BBS9: variants seen among roughly 807,000 people sequenced by gnomAD.
The protein encoded by BBS9 is Bardet-Biedl syndrome 9, also known as protein PTHB1.
A neutral mutation model predicts 117.7 loss-of-function variants in BBS9; 89 were observed. That is an observed-to-expected ratio of 0.76 (90% confidence interval 0.64 to 0.90). The LOEUF is 0.90. Ranked by LOEUF, BBS9 falls within the 40% of genes least tolerant of loss-of-function variation. BBS9 has a pLI of 0.00. For missense variants in BBS9, 982 were observed against 1,042.2 expected (o/e 0.94, Z 0.80); for synonymous variants, 379 against 370.9 (o/e 1.02, Z -0.25).
chr7:33,609,297 C>A (rs1864746210), downstream of BBS9, among the ~76,000 whole-genome samples: 1 of 152,036 alleles, frequency 6.6e-6, no homozygotes, highest in Non-Finnish European at 1.5e-5. Flanking sequence ...TATTTTATTT[C>A]AAATCAGCAA....
intron 21 of BBS9, among the ~76,000 whole-genome samples, chr7:33,633,176 T>G (rs187425384): frequency 6.6e-6 from 1 of 152,344 alleles, no homozygotes; most frequent in East Asian, 1.9e-4. Flanking sequence ...TTCCTTTCTT[T>G]ACACTTCTTA....
At chr7:33,193,655 A>G (rs1343442540) in intron 5 of BBS9, among the ~76,000 whole-genome samples, 3 of 151,802 alleles carry the variant, frequency 2.0e-5, no homozygotes, top group African/African-American at 7.3e-5. Context: ...CTTATCACCT[A>G]TCTAGGGGCA....
intron 5 of BBS9, among the ~76,000 whole-genome samples, chr7:33,193,769 T>C (rs1784537279): frequency 6.6e-6 from 1 of 152,224 alleles, no homozygotes; most frequent in African/African-American, 2.4e-5. Flanking sequence ...CTTGAATTAC[T>C]GTCACACTAC....
chr7:33,496,982 A>G (rs1236680926), intron 19 of BBS9, among the ~76,000 whole-genome samples: 2 of 152,188 alleles, frequency 1.3e-5, no homozygotes, highest in Admixed American at 6.5e-5. Flanking sequence ...AGCCTTTGCC[A>G]TGTTGGAATT....
chr7:33,138,948 G>A (rs1278341850), intron 1 of BBS9, among the ~76,000 whole-genome samples: 4 of 151,104 alleles, frequency 2.6e-5, no homozygotes, highest in African/African-American at 7.2e-5. Context: ...TCTAATTTTC[G>A]GTTAGAAGTT....
At chr7:33,632,959 C>T (rs1013959897) in intron 21 of BBS9, among the ~76,000 whole-genome samples, 18 of 152,042 alleles carry the variant, frequency 1.2e-4, no homozygotes, top group Admixed American at 9.8e-4. Context: ...GACAAAGGAT[C>T]AAGGAAACCT....
intron 6 of BBS9, among the ~76,000 whole-genome samples, chr7:33,259,935 C>A (rs1262017470): frequency 7.2e-6 from 1 of 139,324 alleles, no homozygotes; most frequent in Non-Finnish European, 1.6e-5. Flanking sequence ...CTTCTCATAT[C>A]TTTTCTTTTA....
chr7:33,520,676 A>G (rs1848468684), intron 20 of BBS9, among the ~76,000 whole-genome samples: 1 of 152,222 alleles, frequency 6.6e-6, no homozygotes, highest in Admixed American at 6.5e-5. Context: ...ATGTGGAAAT[A>G]TATAAATAAG....
At chr7:33,131,910 AAAG>A (rs1162528211) in intron 1 of BBS9, among the ~76,000 whole-genome samples, 2 of 152,244 alleles carry the variant, frequency 1.3e-5, no homozygotes, top group African/African-American at 4.8e-5. Context: ...TGTAGAAAAA[AAAG>A]TATTCAAAAC....
intron 20 of BBS9, among the ~76,000 whole-genome samples, chr7:33,533,275 G>A (rs1243814522): frequency 6.6e-6 from 1 of 152,202 alleles, no homozygotes; most frequent in South Asian, 2.1e-4. Context: ...CACTTTTCTA[G>A]GTTTTTCACT....
At chr7:33,365,337 T>G (rs1190970999) in intron 16 of BBS9, among the ~76,000 whole-genome samples, 1 of 152,164 alleles carries the variant, frequency 6.6e-6, no homozygotes, top group East Asian at 1.9e-4. Flanking sequence ...CCTTCTTCTA[T>G]GGGAAGGTCA....
intron 9 of BBS9, among the ~76,000 whole-genome samples, chr7:33,324,476 C>T (rs780715944): frequency 5.9e-5 from 9 of 152,032 alleles, no homozygotes; most frequent in Non-Finnish European, 8.8e-5. Context: ...ATCTTTTAGT[C>T]TTCTTACTCA....
At chr7:33,315,085 A>G (rs576354476) in intron 9 of BBS9, among the ~76,000 whole-genome samples, 4 of 152,178 alleles carry the variant, frequency 2.6e-5, no homozygotes, top group Non-Finnish European at 5.9e-5. Context: ...TGGCTGGTGT[A>G]TTGGTTTCCT....
intron 21 of BBS9, among the ~76,000 whole-genome samples, chr7:33,630,205 C>T (rs1865820806): frequency 6.6e-6 from 1 of 152,110 alleles, no homozygotes; most frequent in African/African-American, 2.4e-5. Context: ...AACAGATCCA[C>T]ATGAAAACCA....
chr7:33,445,514 C>A (rs1269707996), intron 19 of BBS9, among the ~76,000 whole-genome samples: 2 of 152,140 alleles, frequency 1.3e-5, no homozygotes, highest in Non-Finnish European at 2.9e-5. Context: ...TATAATAAGA[C>A]CTCAGTGACC....
chr7:33,342,428 G>A (rs1412497579), intron 11 of BBS9, among the ~76,000 whole-genome samples: 1 of 151,928 alleles, frequency 6.6e-6, no homozygotes, highest in African/African-American at 2.4e-5. Context: ...AGTTTTTCTA[G>A]GTTCTCTTCA....
At chr7:33,327,130 C>A (rs954642742) in intron 9 of BBS9, among the ~76,000 whole-genome samples, 29 of 152,094 alleles carry the variant, frequency 1.9e-4, no homozygotes, top group African/African-American at 6.5e-4. Flanking sequence ...CCTGCAGTGG[C>A]AAGGTTTCCT....
intron 21 of BBS9, among the ~76,000 whole-genome samples, chr7:33,590,875 A>G (rs549632792): frequency 5.9e-5 from 9 of 152,140 alleles, no homozygotes; most frequent in African/African-American, 2.2e-4. Context: ...AAAAAAACTA[A>G]TAATCATGGA....
intron 21 of BBS9, among the ~76,000 whole-genome samples, chr7:33,542,091 C>CTG (rs1554527152): frequency 6.7e-6 from 1 of 148,340 alleles, no homozygotes; most frequent in Admixed American, 6.7e-5. Flanking sequence ...TGAGTAAGTT[C>CTG]TTTTTTTTTT....
Sources: gnomAD v4.1 joint callset for allele counts (sites outside exome capture counted in the v4.1 genomes callset) on GRCh38, gnomAD v4.1.1 for gene constraint, MANE v1.5 for transcripts, NCBI Gene and HGNC (gene_info 2026-07-23, HGNC 2026-07-21) for gene names.